CALN1: variants seen among roughly 807,000 people sequenced by gnomAD.
The protein encoded by CALN1 is calcium-binding protein 8.
In CALN1, 17 loss-of-function variants were observed where a neutral mutation model predicts 30.6. That is an observed-to-expected ratio of 0.56 (90% CI 0.38 to 0.83). The LOEUF (loss-of-function observed/expected upper bound fraction) is 0.83, where lower values mean the gene tolerates loss of function less well. CALN1 is among the 40% of genes least tolerant of loss of function. The probability of loss-of-function intolerance (pLI) is 0.00; values close to 1 mark genes in which losing one functional copy is unlikely to be tolerated. For missense variants in CALN1, 291 were observed against 354.9 expected (o/e 0.82, Z 1.45); for synonymous variants, 156 against 131.4 (o/e 1.19, Z -1.28).
At chr7:72,383,610 A>G (rs1805039717) in intron 2 of CALN1, among the ~76,000 whole-genome samples, 1 of 152,184 alleles carries the variant, frequency 6.6e-6, no homozygotes, top group Non-Finnish European at 1.5e-5. Context: ...CAGCTGGCGC[A>G]GATGGTCCTT....
At chr7:71,889,570 C>T (rs1793116251) in intron 5 of CALN1, among the ~76,000 whole-genome samples, 1 of 152,122 alleles carries the variant, frequency 6.6e-6, no homozygotes, top group Non-Finnish European at 1.5e-5. Flanking sequence ...AAATCATGAC[C>T]TTGAAGGAGG....
chr7:72,080,491 T>C (rs76741197), intron 4 of CALN1, among the ~76,000 whole-genome samples: 3,281 of 152,278 alleles, frequency 0.022, 109 homozygotes, highest in African/African-American at 0.074. Context: ...GTGCCTGGGA[T>C]GGCACATAGA....
At chr7:72,304,766 T>C (rs1478012454) in intron 2 of CALN1, among the ~76,000 whole-genome samples, 1 of 152,214 alleles carries the variant, frequency 6.6e-6, no homozygotes, top group Non-Finnish European at 1.5e-5. Context: ...TATATATTTA[T>C]AGAGATATAT....
chr7:72,213,393 A>C (rs548568786), intron 3 of CALN1, among the ~76,000 whole-genome samples: 13 of 152,326 alleles, frequency 8.5e-5, no homozygotes. Context: ...CAGAGAAGGC[A>C]CATCTACAGA....
rs574437867 is a variant in CALN1, at chr7:72,158,237, T to G, written c.245-51943A>C. 2.6e-5 allele frequency among the ~76,000 whole-genome samples: 4 copies of G among 152,308 alleles called. No homozygotes were observed. The South Asian group carries it at 8.3e-4, about 32-fold the overall frequency. ...ATGAGAGATGCTGACAATAAATAAC[T>G]AAGCACATAAATTAATACAATAATT... On this transcript the variant is annotated intron_variant, in intron 3 of 6. Coordinates refer to ENST00000395275, the MANE Select transcript of CALN1 (RefSeq NM_031468.4).
chr7:72,161,772 G>A (rs1410710725), intron 3 of CALN1, among the ~76,000 whole-genome samples: 1 of 152,060 alleles, frequency 6.6e-6, no homozygotes, highest in Non-Finnish European at 1.5e-5. Context: ...GTAGGGGGCA[G>A]TGGCGGGTGG....
At chr7:71,881,840 A>AGGTGGGAGGATTGCTTGAG (rs1373714009) in intron 5 of CALN1, among the ~76,000 whole-genome samples, 5 of 151,816 alleles carry the variant, frequency 3.3e-5, no homozygotes, top group Middle Eastern at 3.2e-3. Flanking sequence ...TGGGAGACGT[A>AGGTGGGAGGATTGCTTGAG]GGTGGGAGGA....
At chr7:72,345,172 A>G (rs1802573435) in intron 2 of CALN1, among the ~76,000 whole-genome samples, 1 of 150,596 alleles carries the variant, frequency 6.6e-6, no homozygotes, top group Non-Finnish European at 1.5e-5. Flanking sequence ...AGAACATCTT[A>G]CAGATCTTAA....
chr7:72,189,665 G>T (rs1476459006), intron 3 of CALN1, among the ~76,000 whole-genome samples: 1 of 151,976 alleles, frequency 6.6e-6, no homozygotes, highest in Middle Eastern at 3.4e-3. Context: ...CTACTCCGGA[G>T]GCTGAGGCAG....
At chr7:72,288,974 G>A (rs186509962) in intron 2 of CALN1, among the ~76,000 whole-genome samples, 2 of 152,076 alleles carry the variant, frequency 1.3e-5, no homozygotes, top group African/African-American at 2.4e-5. Context: ...CTTTTTCAAT[G>A]AAGTGTAAAT....
chr7:72,016,020 C>T (rs921409736), intron 5 of CALN1, among the ~76,000 whole-genome samples: 9 of 151,920 alleles, frequency 5.9e-5, no homozygotes, highest in Non-Finnish European at 1.0e-4. Context: ...AGGCTGAGGC[C>T]GGCACATCAC....
At chr7:72,332,616 C>T (rs1049787443) in intron 2 of CALN1, among the ~76,000 whole-genome samples, 3 of 152,104 alleles carry the variant, frequency 2.0e-5, no homozygotes, top group Admixed American at 1.3e-4. Context: ...CAAGTCAATT[C>T]CTGCCACTGA....
At chr7:71,993,833 T>C (rs1799093413) in intron 5 of CALN1, among the ~76,000 whole-genome samples, 1 of 152,114 alleles carries the variant, frequency 6.6e-6, no homozygotes, top group South Asian at 2.1e-4. Context: ...TGAGACACGA[T>C]ACGCTAAACA....
At chr7:72,173,811 A>G (rs1789148475) in intron 3 of CALN1, among the ~76,000 whole-genome samples, 1 of 152,198 alleles carries the variant, frequency 6.6e-6, no homozygotes, top group Admixed American at 6.5e-5. Flanking sequence ...ATAGATCTAA[A>G]TAGAAAAACA....
intron 5 of CALN1, among the ~76,000 whole-genome samples, chr7:71,827,775 A>ATAAAT (rs1554347606): frequency 7.1e-6 from 1 of 140,282 alleles, no homozygotes; most frequent in African/African-American, 2.7e-5. Context: ...CCATCTTAAA[A>ATAAAT]AAATAAATAA....
chr7:72,232,528 T>C (rs1216744122), intron 3 of CALN1, among the ~76,000 whole-genome samples: 1 of 152,214 alleles, frequency 6.6e-6, no homozygotes, highest in African/African-American at 2.4e-5. Context: ...TGGCACCATC[T>C]TGGCTCACTA....
At chr7:71,968,725 T>C (rs1292770207) in intron 5 of CALN1, among the ~76,000 whole-genome samples, 8 of 151,750 alleles carry the variant, frequency 5.3e-5, no homozygotes, top group Admixed American at 5.2e-4. Context: ...TAGTGCTAGT[T>C]AGATGAGTGC....
intron 2 of CALN1, among the ~76,000 whole-genome samples, chr7:72,351,588 TAA>T (rs1227381280): frequency 1.3e-5 from 2 of 152,184 alleles, no homozygotes; most frequent in Non-Finnish European, 2.9e-5. Context: ...AATATACTAT[TAA>T]AAGATAGTCA....
intron 5 of CALN1, among the ~76,000 whole-genome samples, chr7:71,852,907 T>C (rs1438894295): frequency 1.3e-5 from 2 of 152,236 alleles, no homozygotes; most frequent in Admixed American, 6.5e-5. Context: ...ACAGGATTGT[T>C]TGTCTTTTAC....
Sources: allele counts gnomAD v4.1 joint callset (sites outside exome capture counted in the v4.1 genomes callset), GRCh38; gene constraint gnomAD v4.1.1; transcripts MANE v1.5; gene names NCBI Gene and HGNC (gene_info 2026-07-23, HGNC 2026-07-21).